The following BAZ1A variants were observed in gnomAD, a reference collection of about 807,000 sequenced individuals.
BAZ1A encodes the protein bromodomain adjacent to zinc finger domain 1A.
In BAZ1A, 50 loss-of-function variants were observed where a neutral mutation model predicts 185.2. The observed-to-expected ratio is 0.27, with a 90% CI of 0.22 to 0.34. The LOEUF is 0.34. Among genes scored for constraint, BAZ1A ranks in the 10% least tolerant of loss-of-function variants. The probability of loss-of-function intolerance (pLI) is 1.00; values close to 1 mark genes in which losing one functional copy is unlikely to be tolerated. For synonymous variants in BAZ1A, 571 were observed against 615.6 expected (o/e 0.93, Z 1.07); for missense variants, 1,356 against 1,839.9 (o/e 0.74, Z 4.81).
intron 19 of BAZ1A, 85 bp downstream of exon 19, chr14:34,774,237 ATGCCT>A (rs1404721545): frequency 9.7e-7 from 1 of 1,030,266 alleles, no homozygotes; most frequent in African/African-American, 1.7e-5. Context: ...CAAAACACAT[ATGCCT>A]TGTCTATGCC....
In BAZ1A at chr14:34,761,992, A is replaced by C. The variant is rs747300046; in HGVS notation, c.4008T>G (p.Thr1336=). ...TKSLRIASRS[T]RHSHGPLQAD... is the part of the protein sequence containing the mutation. ...CTTGCAGTGGGCCATGACTGTGGCGAGTAGAACGACTGGCAATTCTTAAAG... is the reference window on the plus strand; with the variant it reads ...CTTGCAGTGGGCCATGACTGTGGCGCGTAGAACGACTGGCAATTCTTAAAG... Residue 1336 remains threonine, a synonymous_variant, in exon 24 of 27, where the codon ACT becomes ACG. Coordinates refer to ENST00000360310, the MANE Select transcript of BAZ1A (RefSeq NM_013448.3). 8 of 1,614,088 alleles carry C rather than the reference A, an allele frequency of 5.0e-6. No homozygotes were observed. The highest frequency in any genetic ancestry group is 6.8e-6 in the Non-Finnish European group (8 of 1,180,052).
chr14:34,795,582 T>G (rs1881140233), intron 10 of BAZ1A, 88 bp downstream of exon 10: 1 of 837,140 alleles, frequency 1.2e-6, no homozygotes, highest in Non-Finnish European at 1.8e-6. Flanking sequence ...GAGAAGAGGC[T>G]GCTATTAAAT....
At position 34,872,941 on chromosome 14, in the gene BAZ1A, A is replaced by AAAAAAAC. The variant is rs1555346584; in HGVS notation, c.113+1550_113+1551insGTTTTTT. Among the ~76,000 whole-genome samples the AAAAAAAC allele has an allele frequency of 1.1e-3, 135 of 122,680 alleles. 12 individuals are homozygous for AAAAAAAC. Among genetic ancestry groups the AAAAAAAC allele is most frequent in the African/African-American group, 4.0e-3 (123 of 30,818 alleles). The allele number at this position is 122,680 out of a possible 152,430, so 80.5% of individuals were successfully genotyped here. A position where few individuals can be genotyped will look rare whatever the true frequency, so the allele number is the denominator to read the frequency against. On this transcript the variant is annotated intron_variant, in intron 2 of 26. Transcript: ENST00000360310. The stretch of plus-strand genomic sequence containing the variant: ...AAAAAAAAAAAAAAAAAAAAAAAAA[A>AAAAAAAC]CTTGTCCAATTACCTAATCCAAGTT...
chr14:34,857,227 C>G (rs966971923), intron 3 of BAZ1A, among the ~76,000 whole-genome samples: 4 of 151,946 alleles, frequency 2.6e-5, no homozygotes, highest in African/African-American at 9.7e-5. Flanking sequence ...AGGATGGTCT[C>G]GATCTCCTGA....
chr14:34,861,622 T>C (rs867738404), intron 3 of BAZ1A, among the ~76,000 whole-genome samples: 25 of 152,318 alleles, frequency 1.6e-4, no homozygotes, highest in African/African-American at 2.4e-4. Flanking sequence ...TAGCTAAAGA[T>C]TTCTACTCCT....
chr14:34,760,099 T>G (rs770588395), intron 24 of BAZ1A, among the ~76,000 whole-genome samples: 4 of 152,222 alleles, frequency 2.6e-5, no homozygotes, highest in Non-Finnish European at 4.4e-5. Flanking sequence ...GTATAGTCCA[T>G]ATATGTATTC....
At chr14:34,873,915 C>CCT (rs1337288175) in intron 2 of BAZ1A, among the ~76,000 whole-genome samples, 1 of 152,206 alleles carries the variant, frequency 6.6e-6, no homozygotes, top group Non-Finnish European at 1.5e-5. Flanking sequence ...AGGGACGCCC[C>CCT]CTCCTTCCCT....
chr14:34,839,921 T>A (rs372470405), intron 3 of BAZ1A, among the ~76,000 whole-genome samples: 31 of 125,540 alleles, frequency 2.5e-4, no homozygotes, highest in Middle Eastern at 4.4e-3. Flanking sequence ...CAATTAAAAA[T>A]TTTTTTAAGT....
chr14:34,790,842 C>T (rs1388711156), intron 12 of BAZ1A, among the ~76,000 whole-genome samples: 1 of 152,112 alleles, frequency 6.6e-6, no homozygotes, highest in Non-Finnish European at 1.5e-5. Context: ...AGTGTAATGG[C>T]ACCTGGGTGC....
intron 3 of BAZ1A, among the ~76,000 whole-genome samples, chr14:34,850,348 A>C (rs1219734720): frequency 6.6e-6 from 1 of 152,238 alleles, no homozygotes; most frequent in Non-Finnish European, 1.5e-5. Flanking sequence ...ACTGCACTCC[A>C]GCCTGGGCAA....
chr14:34,871,057 A>C (rs1241058649), intron 2 of BAZ1A, among the ~76,000 whole-genome samples: 1 of 152,226 alleles, frequency 6.6e-6, no homozygotes. Flanking sequence ...AAGTGTCTAC[A>C]TGGCTAAAAA....
In BAZ1A at chr14:34,875,132, C is replaced by T. The variant is rs2043027560; in HGVS notation, c.-59+6G>A. 2 of 395,770 alleles carry T rather than the reference C, an allele frequency of 5.1e-6. No homozygotes were observed. The highest frequency in any genetic ancestry group is 5.6e-5 in the Admixed American group (2 of 35,614). The allele number at this position is 395,770 out of a possible 1,614,324, so 24.5% of individuals were successfully genotyped here. On this transcript the variant is annotated splice_donor_region_variant and intron_variant, in intron 1 of 26. Coordinates refer to ENST00000360310, the MANE Select transcript of BAZ1A (RefSeq NM_013448.3). ...CGGCGCCGGCCGGCTCCCGAGCGAC[C>T]CTCACCTGCGATCACGCCGACTGCC...
chr14:34,790,196 G>T (rs1215215665), intron 12 of BAZ1A, among the ~76,000 whole-genome samples: 1 of 150,372 alleles, frequency 6.7e-6, no homozygotes, highest in African/African-American at 2.5e-5. Flanking sequence ...TTTGAAACAG[G>T]GTCTCACTCT....
intron 2 of BAZ1A, among the ~76,000 whole-genome samples, chr14:34,871,701 C>T (rs113322252): frequency 5.9e-5 from 9 of 152,318 alleles, no homozygotes; most frequent in Admixed American, 2.0e-4. Context: ...GATGAAACCC[C>T]GTCTCTACTA....
At chr14:34,832,955 A>G (rs1359946742) in intron 3 of BAZ1A, among the ~76,000 whole-genome samples, 1 of 152,238 alleles carries the variant, frequency 6.6e-6, no homozygotes, top group African/African-American at 2.4e-5. Context: ...ACTGTGGTAT[A>G]TACATATAAT....
At position 34,783,887 on chromosome 14, in the gene BAZ1A, T is replaced by C. The variant is rs756197081; in HGVS notation, c.1872A>G (p.Leu624=). Residue 624 remains leucine (L), a synonymous_variant, in exon 15 of 27, where the codon CTA becomes CTG. Transcript: ENST00000360310. ...MKILHALCGK[L]LTLVSTRDFI... ...AATCCCTAGTTGAAACTAGGGTCAG[T>C]AGCTTTCCACAGAGAGCATGGAGTA... 4.3e-6 allele frequency: 7 copies of C among 1,612,356 alleles called. No homozygotes were observed. The South Asian group carries it at 5.5e-5, about 13-fold the overall frequency.
intron 3 of BAZ1A, among the ~76,000 whole-genome samples, chr14:34,851,327 T>C (rs1488740045): frequency 2.7e-5 from 2 of 74,000 alleles, no homozygotes; most frequent in African/African-American, 5.5e-5. Context: ...AGTGGGACCC[T>C]AGCTCAAAAA....
intron 12 of BAZ1A, among the ~76,000 whole-genome samples, chr14:34,789,986 A>G (rs1880735300): frequency 6.6e-6 from 1 of 152,198 alleles, no homozygotes; most frequent in South Asian, 2.1e-4. Context: ...AATAATATCT[A>G]CCTCAAAAGA....
rs2043016524 is a variant in BAZ1A at position 34,874,793 on chromosome 14, CG to C, written c.-58-132del. ...GACGCGCCGCGGCCGCTACCGGAGC[CG>C]AGTTCGTTCCTGCCGCTGCCCGGGT... is the stretch of plus-strand genomic sequence containing the variant. On this transcript the variant is annotated intron_variant, in intron 1 of 26. Coordinates refer to ENST00000360310, the MANE Select transcript of BAZ1A (RefSeq NM_013448.3). The surrounding 1 kb of genome is among the most constrained non-coding windows in gnomAD (Gnocchi z 4.7). 3.9e-6 allele frequency: 2 copies of C among 509,310 alleles called. No homozygotes were observed. The highest frequency in any genetic ancestry group is 8.3e-5 in the Admixed American group (2 of 24,208). 31.5% of individuals were successfully genotyped at this position (509,310 alleles called of 1,614,324 possible).
Sources: gnomAD v4.1 joint callset for allele counts (sites outside exome capture counted in the v4.1 genomes callset) on GRCh38, gnomAD v4.1.1 for gene constraint, Gnocchi (gnomAD v3.1) non-coding constraint, MANE v1.5 for transcripts, NCBI Gene and HGNC (gene_info 2026-07-23, HGNC 2026-07-21) for gene names.